The following ZNF827 variants were observed in gnomAD, a reference collection of about 807,000 sequenced individuals.
The protein encoded by ZNF827 is zinc finger protein 827.
ZNF827 carries 13 observed loss-of-function variants against 102.4 expected under a neutral mutation model. The ratio of observed to expected loss-of-function variants is 0.13; its 90% CI spans 0.08 to 0.20. The LOEUF (loss-of-function observed/expected upper bound fraction) is 0.20. Ranked by LOEUF, ZNF827 falls within the 10% of genes least tolerant of loss-of-function variation. The pLI is 1.00. For missense variants in ZNF827, 1,103 were observed against 1,344.4 expected, an observed-to-expected ratio of 0.82 and a Z score of 2.81; for synonymous variants, 523 against 536.2, an observed-to-expected ratio of 0.98 and a Z score of 0.34.
chr4:145,768,961 T>C lies in ZNF827; in HGVS notation c.2861-3223A>G, dbSNP rs184279550. Among the ~76,000 whole-genome samples the C allele has an allele frequency of 8.8e-3, 1,160 of 132,370 alleles. 21 individuals are homozygous for C. The highest frequency in any genetic ancestry group is 0.031 in the African/African-American group (1,106 of 35,672). The allele number at this position is 132,370 out of a possible 152,430, so 86.8% of individuals were successfully genotyped here. ...AATAGAGCTGTAATGGTGGGTTACA[T>C]CTAGAGTGTAAAATTATTGGTGTCA... is the stretch of plus-strand genomic sequence containing the variant. On this transcript the variant is annotated intron_variant, in intron 11 of 14. Transcript: ENST00000508784.
intron 1 of ZNF827, among the ~76,000 whole-genome samples, chr4:145,930,402 T>A (rs958405366): frequency 6.6e-6 from 1 of 152,192 alleles, no homozygotes; most frequent in Non-Finnish European, 1.5e-5. Context: ...CACATCACAA[T>A]TCTAATGGGG....
At chr4:145,848,200 C>T (rs1448637631) in intron 6 of ZNF827, among the ~76,000 whole-genome samples, 2 of 152,136 alleles carry the variant, frequency 1.3e-5, no homozygotes, top group East Asian at 1.9e-4. Flanking sequence ...ATAAAAGTAG[C>T]CTGTTTTGGA....
chr4:145,925,574 T>C (rs1007941367), intron 1 of ZNF827, among the ~76,000 whole-genome samples: 1 of 152,194 alleles, frequency 6.6e-6, no homozygotes, highest in Non-Finnish European at 1.5e-5. Context: ...TCAAAAGTTT[T>C]CCTTAATGAA....
chr4:145,823,137 G>A (rs1331795836), intron 8 of ZNF827, among the ~76,000 whole-genome samples: 1 of 152,140 alleles, frequency 6.6e-6, no homozygotes, highest in East Asian at 1.9e-4. Context: ...TTATTTTCAG[G>A]TTATACTTCA....
chr4:145,852,492 A>C (rs1746631402), intron 5 of ZNF827, among the ~76,000 whole-genome samples: 1 of 152,232 alleles, frequency 6.6e-6, no homozygotes, highest in African/African-American at 2.4e-5. Context: ...GGAGTTTTCA[A>C]ACTAACATCT....
intron 1 of ZNF827, among the ~76,000 whole-genome samples, chr4:145,921,012 T>C (rs1753024770): frequency 6.6e-6 from 1 of 152,138 alleles, no homozygotes; most frequent in African/African-American, 2.4e-5. Flanking sequence ...GTTATTATGA[T>C]AGAGCTATGG....
At chr4:145,858,725 A>G (rs533348362) in intron 5 of ZNF827, among the ~76,000 whole-genome samples, 1 of 152,240 alleles carries the variant, frequency 6.6e-6, no homozygotes, top group South Asian at 2.1e-4. Context: ...ATAAAAAATT[A>G]CCAAAAAGCA....
chr4:145,871,035 A>G (rs1225985499), intron 4 of ZNF827, among the ~76,000 whole-genome samples: 1 of 152,182 alleles, frequency 6.6e-6, no homozygotes, highest in Non-Finnish European at 1.5e-5. Flanking sequence ...GCATTTACTT[A>G]GCACTGTTCT....
intron 8 of ZNF827, among the ~76,000 whole-genome samples, chr4:145,780,955 G>A (rs1737884198): frequency 1.3e-5 from 2 of 152,098 alleles, no homozygotes; most frequent in African/African-American, 4.8e-5. Context: ...CCAGCACTTC[G>A]GGAGGCCGAG....
intron 8 of ZNF827, among the ~76,000 whole-genome samples, chr4:145,802,547 C>CA (rs1741012295): frequency 6.6e-6 from 1 of 152,226 alleles, no homozygotes; most frequent in South Asian, 2.1e-4. Context: ...TGAGGGAACT[C>CA]AAAGCTGGGG....
chr4:145,896,785 C>T (rs964949173), intron 2 of ZNF827, among the ~76,000 whole-genome samples: 1 of 152,096 alleles, frequency 6.6e-6, no homozygotes, highest in African/African-American at 2.4e-5. Context: ...GAACCTGGAG[C>T]AGCTTATATT....
chr4:145,759,193 T>C lies in ZNF827; in HGVS notation c.*2423A>G, dbSNP rs1446225759. 6.6e-6 allele frequency: 1 copy of C among 152,206 alleles called. No individual in the cohort carries two copies. The highest frequency in any genetic ancestry group is 1.5e-5 in the Non-Finnish European group (1 of 68,038). 9.4% of individuals were successfully genotyped at this position (152,206 alleles called of 1,614,324 possible). On this transcript the variant is annotated 3_prime_UTR_variant, in exon 15 of 15. Coordinates refer to ENST00000508784, the MANE Select transcript of ZNF827 (RefSeq NM_001306215.2). ...ACTTCCCATTATTATACAAAGAACA[T>C]TTCTTCCTGCTCTTTCAGCCTGTTT... is the stretch of plus-strand genomic sequence containing the variant.
intron 5 of ZNF827, among the ~76,000 whole-genome samples, chr4:145,867,247 G>A (rs966236857): frequency 2.0e-5 from 3 of 152,136 alleles, no homozygotes; most frequent in African/African-American, 7.2e-5. Flanking sequence ...AATAGAACTC[G>A]AACCACAGGA....
intron 1 of ZNF827, among the ~76,000 whole-genome samples, chr4:145,924,491 GA>G (rs763724608): frequency 3.9e-5 from 6 of 152,174 alleles, no homozygotes; most frequent in Admixed American, 2.6e-4. Flanking sequence ...AGAGGTAAGG[GA>G]GGGGTAAGAG....
chr4:145,932,770 A>T (rs1753907222), intron 1 of ZNF827, among the ~76,000 whole-genome samples: 1 of 152,186 alleles, frequency 6.6e-6, no homozygotes, highest in Non-Finnish European at 1.5e-5. Flanking sequence ...CACCGCGCTC[A>T]GCTTGTATTT....
chr4:145,857,888 A>T (rs924607232), intron 5 of ZNF827, among the ~76,000 whole-genome samples: 9 of 152,080 alleles, frequency 5.9e-5, no homozygotes, highest in African/African-American at 1.9e-4. Flanking sequence ...GATCTCATTT[A>T]AAAAAAATTA....
At chr4:145,926,765 T>C (rs889171235) in intron 1 of ZNF827, among the ~76,000 whole-genome samples, 6 of 152,148 alleles carry the variant, frequency 3.9e-5, no homozygotes, top group African/African-American at 1.2e-4. Flanking sequence ...GTGTTTTCTA[T>C]GGTTTCAGCC....
chr4:145,801,756 G>GTTT (rs1740928160), intron 8 of ZNF827, among the ~76,000 whole-genome samples: 1 of 152,206 alleles, frequency 6.6e-6, no homozygotes. Context: ...ATTACATTAT[G>GTTT]TTTTAATTGA....
At chr4:145,793,027 T>C (rs1402917564) in intron 8 of ZNF827, among the ~76,000 whole-genome samples, 1 of 151,932 alleles carries the variant, frequency 6.6e-6, no homozygotes, top group Admixed American at 6.6e-5. Flanking sequence ...AAGTGTCTCT[T>C]CCTACCCTCT....
Sources: gnomAD v4.1 joint callset for allele counts (sites outside exome capture counted in the v4.1 genomes callset) on GRCh38, gnomAD v4.1.1 for gene constraint, MANE v1.5 for transcripts, NCBI Gene and HGNC (gene_info 2026-07-23, HGNC 2026-07-21) for gene names.